Variants in FAF1 observed in about 807,000 individuals in gnomAD.
The protein encoded by FAF1 is Fas associated factor 1.
FAF1 carries 25 observed loss-of-function variants against 92.5 expected under a neutral mutation model. The ratio of observed to expected loss-of-function variants is 0.27; its 90% CI spans 0.20 to 0.38. The LOEUF (loss-of-function observed/expected upper bound fraction) is 0.38, where lower values mean the gene tolerates loss of function less well. FAF1 is among the 10% of genes least tolerant of loss of function. FAF1 has a pLI of 1.00. For synonymous variants in FAF1, 234 were observed against 273.2 expected (o/e 0.86, Z 1.42); for missense variants, 636 against 793.3 (o/e 0.80, Z 2.38).
chr1:50,930,727 C>T (rs987097610), intron 1 of FAF1, among the ~76,000 whole-genome samples: 4 of 151,938 alleles, frequency 2.6e-5, no homozygotes, highest in Non-Finnish European at 4.4e-5. Flanking sequence ...CCCAGCTACT[C>T]GGGAGGTGGA....
chr1:50,460,120 G>C (rs904188013), intron 18 of FAF1, among the ~76,000 whole-genome samples: 1 of 152,154 alleles, frequency 6.6e-6, no homozygotes, highest in East Asian at 1.9e-4. Context: ...TTGGATTAAT[G>C]CGTAGAAAAC....
intron 1 of FAF1, among the ~76,000 whole-genome samples, chr1:50,909,103 G>A (rs936406536): frequency 6.6e-6 from 1 of 152,000 alleles, no homozygotes; most frequent in African/African-American, 2.4e-5. Flanking sequence ...TTGCTTGTCT[G>A]TAAGGGATTT....
At position 50,439,828 on chromosome 1, in the gene FAF1, CTGAAGGGAGACCCA is replaced by C. The variant is rs1646152502; in HGVS notation, c.*1598_*1611del. 1 of 152,134 alleles carries C rather than the reference CTGAAGGGAGACCCA, an allele frequency of 6.6e-6. No individual in the cohort carries two copies. The highest frequency in any genetic ancestry group is 2.4e-5 in the African/African-American group (1 of 41,418). 9.4% of individuals were successfully genotyped at this position (152,134 alleles called of 1,614,324 possible). ...GTTTGAACTCCCCTGAACACTTCCC[CTGAAGGGAGACCCA>C]TGGGTCTCTCAGCCTCCCTAGAGAG... On this transcript the variant is annotated 3_prime_UTR_variant, in exon 19 of 19. Coordinates refer to ENST00000396153, the MANE Select transcript of FAF1 (RefSeq NM_007051.3).
At chr1:50,690,624 A>T (rs1395297291) in intron 7 of FAF1, among the ~76,000 whole-genome samples, 4 of 152,158 alleles carry the variant, frequency 2.6e-5, no homozygotes, top group African/African-American at 9.7e-5. Context: ...AACAAAAAAA[A>T]CTGTTGCATA....
intron 15 of FAF1, among the ~76,000 whole-genome samples, chr1:50,504,076 T>G (rs915929916): frequency 6.6e-6 from 1 of 152,212 alleles, no homozygotes; most frequent in Non-Finnish European, 1.5e-5. Flanking sequence ...AAATAAATGA[T>G]TAATACTGCA....
chr1:50,685,886 GTAAAAACCATTCTCCTTTC>G (rs1277308725), intron 7 of FAF1, among the ~76,000 whole-genome samples: 1 of 152,164 alleles, frequency 6.6e-6, no homozygotes, highest in Non-Finnish European at 1.5e-5. Flanking sequence ...TTACTATGAA[GTAAAAACCATTCTCCTTTC>G]TAATGGATCT....
At chr1:50,810,865 A>G (rs1040579837) in intron 2 of FAF1, among the ~76,000 whole-genome samples, 1 of 152,220 alleles carries the variant, frequency 6.6e-6, no homozygotes, top group African/African-American at 2.4e-5. Context: ...CGTGGCCAAC[A>G]TGGTGAGACC....
At chr1:50,781,353 G>A (rs762443691) in intron 4 of FAF1, among the ~76,000 whole-genome samples, 11 of 151,802 alleles carry the variant, frequency 7.2e-5, no homozygotes, top group Admixed American at 3.9e-4. Context: ...GAAAGTAGGG[G>A]GTGTCATATT....
chr1:50,712,879 T>TG (rs943684507), intron 6 of FAF1, among the ~76,000 whole-genome samples: 5 of 151,518 alleles, frequency 3.3e-5, no homozygotes, highest in South Asian at 2.1e-4. Context: ...ACCTTCAAGT[T>TG]GGGGGGGCGC....
intron 4 of FAF1, among the ~76,000 whole-genome samples, chr1:50,783,348 T>G (rs1326898107): frequency 6.6e-6 from 1 of 152,212 alleles, no homozygotes; most frequent in Non-Finnish European, 1.5e-5. Flanking sequence ...ACTTCCTAAC[T>G]TCTTTCACGA....
At chr1:50,607,492 T>A (rs944826907) in intron 8 of FAF1, among the ~76,000 whole-genome samples, 2 of 151,858 alleles carry the variant, frequency 1.3e-5, no homozygotes, top group Non-Finnish European at 2.9e-5. Flanking sequence ...TATTTTTGTA[T>A]ACAGGTTTCT....
chr1:50,809,689 G>A (rs995067208), intron 2 of FAF1, among the ~76,000 whole-genome samples: 10 of 152,318 alleles, frequency 6.6e-5, no homozygotes, highest in African/African-American at 2.4e-4. Context: ...TCTACCAGAT[G>A]TATATAGAAG....
chr1:50,880,378 G>C (rs1193793220), intron 1 of FAF1, among the ~76,000 whole-genome samples: 1 of 152,192 alleles, frequency 6.6e-6, no homozygotes, highest in African/African-American at 2.4e-5. Flanking sequence ...GGAACTGCAT[G>C]TTTATGCCCC....
intron 6 of FAF1, among the ~76,000 whole-genome samples, chr1:50,707,638 G>A (rs1035561723): frequency 9.2e-5 from 14 of 152,036 alleles, no homozygotes; most frequent in Non-Finnish European, 1.6e-4. Flanking sequence ...AGGTTGCAGT[G>A]AGCTGAGATG....
At chr1:50,904,829 TA>T (rs1644822787) in intron 1 of FAF1, among the ~76,000 whole-genome samples, 1 of 152,178 alleles carries the variant, frequency 6.6e-6, no homozygotes, top group Non-Finnish European at 1.5e-5. Context: ...ACTAAAAAAA[TA>T]CATTATCAAT....
At chr1:50,884,786 T>C (rs977232483) in intron 1 of FAF1, among the ~76,000 whole-genome samples, 2 of 152,162 alleles carry the variant, frequency 1.3e-5, no homozygotes, top group African/African-American at 2.4e-5. Context: ...ACTGGCCTTG[T>C]AGAATGAGTT....
chr1:50,662,967 G>C (rs1304002987), intron 7 of FAF1, among the ~76,000 whole-genome samples: 1 of 151,526 alleles, frequency 6.6e-6, no homozygotes, highest in Non-Finnish European at 1.5e-5. Context: ...GAAGTGCTGG[G>C]ATTACAGGCG....
intron 13 of FAF1, among the ~76,000 whole-genome samples, chr1:50,541,053 C>T (rs555435195): frequency 2.1e-4 from 32 of 152,272 alleles, no homozygotes; most frequent in East Asian, 1.2e-3. Context: ...AAAAGACAAA[C>T]GGCATTAAAA....
chr1:50,471,703 T>C (rs1171183245), intron 18 of FAF1, among the ~76,000 whole-genome samples: 2 of 152,174 alleles, frequency 1.3e-5, no homozygotes, highest in Non-Finnish European at 2.9e-5. Context: ...GCAATACATA[T>C]GGGCTATCAG....
Sources: gnomAD v4.1 joint callset for allele counts (sites outside exome capture counted in the v4.1 genomes callset) on GRCh38, gnomAD v4.1.1 for gene constraint, MANE v1.5 for transcripts, NCBI Gene and HGNC (gene_info 2026-07-23, HGNC 2026-07-21) for gene names.